AGTR1: variants seen among roughly 807,000 people sequenced by gnomAD.
The protein encoded by AGTR1 is angiotensin II receptor type 1.
In AGTR1, 16 loss-of-function variants were observed where a neutral mutation model predicts 19.4. The observed-to-expected ratio is 0.82, with a 90% CI of 0.56 to 1.25. The LOEUF is 1.25. Ranked by LOEUF, AGTR1 falls within the 50% of genes most tolerant of loss-of-function variation. The pLI is 0.00. For missense variants in AGTR1, 373 were observed against 431.9 expected (o/e 0.86, Z 1.21); for synonymous variants, 153 against 154.9 (o/e 0.99, Z 0.09).
At chr3:148,713,195 A>G (rs1056254915) in intron 2 of AGTR1, among the ~76,000 whole-genome samples, 2 of 151,954 alleles carry the variant, frequency 1.3e-5, no homozygotes, top group African/African-American at 4.8e-5. Flanking sequence ...TGTGTGACCT[A>G]TTTTGCAGTT....
chr3:148,712,289 T>C (rs955709591), intron 2 of AGTR1, among the ~76,000 whole-genome samples: 38 of 152,064 alleles, frequency 2.5e-4, no homozygotes, highest in African/African-American at 8.9e-4. Flanking sequence ...TGGTGGAAAA[T>C]AATTATTTAT....
At chr3:148,714,636 T>C (rs774412625) in intron 2 of AGTR1, among the ~76,000 whole-genome samples, 2 of 152,190 alleles carry the variant, frequency 1.3e-5, no homozygotes, top group Non-Finnish European at 2.9e-5. Flanking sequence ...AGACTTAAAA[T>C]GCTCTGAAGT....
At chr3:148,707,453 G>A (rs1253738836) in intron 1 of AGTR1, among the ~76,000 whole-genome samples, 2 of 151,616 alleles carry the variant, frequency 1.3e-5, no homozygotes, top group African/African-American at 4.8e-5. Flanking sequence ...ATTACTTCTG[G>A]GAAAAAGAAA....
intron 1 of AGTR1, among the ~76,000 whole-genome samples, chr3:148,700,324 G>A (rs144157249): frequency 6.6e-6 from 1 of 152,122 alleles, no homozygotes; most frequent in African/African-American, 2.4e-5. Flanking sequence ...CAAAGCCCAG[G>A]TAAAATGCTT....
intron 2 of AGTR1, among the ~76,000 whole-genome samples, chr3:148,715,665 C>T (rs2107940470): frequency 6.6e-6 from 1 of 152,198 alleles, no homozygotes; most frequent in Non-Finnish European, 1.5e-5. Context: ...TGCCATTATT[C>T]TTGCTTATTG....
chr3:148,719,812 C>A (rs1713520713), intron 2 of AGTR1, among the ~76,000 whole-genome samples: 1 of 152,206 alleles, frequency 6.6e-6, no homozygotes, highest in African/African-American at 2.4e-5. Flanking sequence ...TAACGCTGCC[C>A]ATCCAGGGCC....
At chr3:148,705,377 A>G (rs1223753996) in intron 1 of AGTR1, among the ~76,000 whole-genome samples, 2 of 152,166 alleles carry the variant, frequency 1.3e-5, no homozygotes, top group East Asian at 1.9e-4. Context: ...CTTGCCATCA[A>G]TTCAAATGCT....
chr3:148,712,272 G>A (rs1713029201), intron 2 of AGTR1, among the ~76,000 whole-genome samples: 1 of 151,998 alleles, frequency 6.6e-6, no homozygotes, highest in Non-Finnish European at 1.5e-5. Context: ...ATAATACAGT[G>A]CAGACCTGGT....
intron 2 of AGTR1, among the ~76,000 whole-genome samples, chr3:148,719,737 G>A (rs1264822585): frequency 2.0e-5 from 3 of 152,168 alleles, no homozygotes; most frequent in African/African-American, 7.2e-5. Flanking sequence ...TGCTTGAAAT[G>A]CAGATTCTAT....
At chr3:148,720,287 G>T (rs1342743918) in intron 2 of AGTR1, among the ~76,000 whole-genome samples, 1 of 152,006 alleles carries the variant, frequency 6.6e-6, no homozygotes, top group African/African-American at 2.4e-5. Flanking sequence ...ACACACAGAG[G>T]CTCAAAGCAT....
intron 2 of AGTR1, among the ~76,000 whole-genome samples, chr3:148,740,581 A>G (rs933164391): frequency 4.6e-5 from 7 of 152,366 alleles, no homozygotes; most frequent in Admixed American, 3.9e-4. Flanking sequence ...GGTTAATGAT[A>G]AATGAATTGG....
chr3:148,706,447 A>G (rs959803499), intron 1 of AGTR1, among the ~76,000 whole-genome samples: 3 of 152,030 alleles, frequency 2.0e-5, no homozygotes, highest in Admixed American at 2.0e-4. Flanking sequence ...ATAACTCTTC[A>G]ACTTTAAATA....
At chr3:148,730,596 T>A (rs1472018070) in intron 2 of AGTR1, 1 of 165,818 alleles carries the variant, frequency 6.0e-6, no homozygotes, top group Non-Finnish European at 1.3e-5. Flanking sequence ...TTTGTTGGAT[T>A]GGTTTTGCCT....
At chr3:148,738,751 GT>G (rs374638302) in intron 2 of AGTR1, among the ~76,000 whole-genome samples, 1 of 152,080 alleles carries the variant, frequency 6.6e-6, no homozygotes, top group East Asian at 1.9e-4. Context: ...TTTTGTTTCT[GT>G]TTTTTTGTCC....
chr3:148,735,330 A>C (rs1157623384), intron 2 of AGTR1, among the ~76,000 whole-genome samples: 4 of 152,174 alleles, frequency 2.6e-5, no homozygotes, highest in African/African-American at 9.7e-5. Flanking sequence ...GAGCATTAAA[A>C]ACTTTTCCAG....
intron 1 of AGTR1, among the ~76,000 whole-genome samples, chr3:148,706,217 T>C (rs2107928817): frequency 6.6e-6 from 1 of 152,126 alleles, no homozygotes; most frequent in East Asian, 1.9e-4. Flanking sequence ...TCTGTCATTT[T>C]TTTTTCCTGT....
chr3:148,715,182 G>A (rs1460504845), intron 2 of AGTR1, among the ~76,000 whole-genome samples: 4 of 152,118 alleles, frequency 2.6e-5, no homozygotes, highest in African/African-American at 9.7e-5. Context: ...ATCTGGATGA[G>A]AGAAAACTAT....
At chr3:148,730,276 C>A (rs1379267112) in intron 2 of AGTR1, 4 of 398,186 alleles carry the variant, frequency 1.0e-5, no homozygotes, top group Non-Finnish European at 1.3e-5. Flanking sequence ...TGGCTCCCAT[C>A]ACTATGCTCT....
intron 2 of AGTR1, among the ~76,000 whole-genome samples, chr3:148,717,008 T>C (rs1713341452): frequency 6.6e-6 from 1 of 152,156 alleles, no homozygotes; most frequent in Non-Finnish European, 1.5e-5. Flanking sequence ...CAACAATGAA[T>C]CATCTTTGAG....
Sources: gnomAD v4.1 joint callset for allele counts (sites outside exome capture counted in the v4.1 genomes callset) on GRCh38, gnomAD v4.1.1 for gene constraint, MANE v1.5 for transcripts, NCBI Gene and HGNC (gene_info 2026-07-23, HGNC 2026-07-21) for gene names.